ENPP2: variants seen among roughly 807,000 people sequenced by gnomAD.
ENPP2 encodes autotaxin.
A neutral mutation model predicts 120.2 loss-of-function variants in ENPP2; 51 were observed. That is an observed-to-expected ratio of 0.42 (90% CI 0.34 to 0.54). ENPP2 has a LOEUF of 0.54. Ranked by LOEUF, ENPP2 falls within the 20% of genes least tolerant of loss-of-function variation. ENPP2 has a pLI of 0.04. For missense variants in ENPP2, 920 were observed against 1,066.5 expected, an observed-to-expected ratio of 0.86 and a Z score of 1.91; for synonymous variants, 365 against 366.4, an observed-to-expected ratio of 1.00 and a Z score of 0.04.
intron 11 of ENPP2, 34 bp downstream of exon 11, chr8:119,600,644 C>A: frequency 7.2e-7 from 1 of 1,391,912 alleles, no homozygotes; most frequent in Non-Finnish European, 1.0e-6. Context: ...CCCAGGGCCA[C>A]AGATTCTTCT....
chr8:119,665,558 T>A (rs987615863), intron 1 of ENPP2, among the ~76,000 whole-genome samples: 6 of 152,176 alleles, frequency 3.9e-5, no homozygotes, highest in Non-Finnish European at 7.3e-5. Context: ...GCACTGAAGT[T>A]TTTAGATTTC....
chr8:119,594,704 T>C (rs1270601177), intron 11 of ENPP2, among the ~76,000 whole-genome samples: 4 of 152,180 alleles, frequency 2.6e-5, no homozygotes, highest in Non-Finnish European at 5.9e-5. Context: ...AATGGAAAGA[T>C]TTTTAAGAAA....
At chr8:119,597,558 A>G (rs1813984301) in intron 11 of ENPP2, among the ~76,000 whole-genome samples, 1 of 152,216 alleles carries the variant, frequency 6.6e-6, no homozygotes, top group Admixed American at 6.5e-5. Context: ...TGAGGTTATT[A>G]AGAGGATGGG....
chr8:119,571,954 C>T (rs1184412311), intron 19 of ENPP2: 5 of 468,816 alleles, frequency 1.1e-5, no homozygotes, highest in Non-Finnish European at 1.9e-5. Flanking sequence ...ACTATTACAA[C>T]ACAAGCCTGT....
intron 1 of ENPP2, among the ~76,000 whole-genome samples, chr8:119,654,372 T>G (rs1017386193): frequency 2.8e-5 from 4 of 143,862 alleles, no homozygotes; most frequent in African/African-American, 1.0e-4. Context: ...ATAATTATAT[T>G]ATATAGAGAG....
chr8:119,560,378 A>T (rs1416533537), intron 24 of ENPP2, among the ~76,000 whole-genome samples: 1 of 152,192 alleles, frequency 6.6e-6, no homozygotes, highest in Non-Finnish European at 1.5e-5. Context: ...ACCAAAATTG[A>T]GAGGGCCAAG....
At position 119,621,472 on chromosome 8, in the gene ENPP2, C is replaced by T; in HGVS notation, c.340G>A (p.Glu114Lys). 1 of 1,613,564 alleles carries T rather than the reference C, an allele frequency of 6.2e-7. No homozygotes were observed. The highest frequency in any genetic ancestry group is 8.5e-7 in the Non-Finnish European group (1 of 1,179,550). ...TKDRCGEVRN[E>K]ENACHCSEDC... The stretch of plus-strand genomic sequence containing the variant: ...TCTGAGCAGTGACAGGCATTTTCTT[C>T]ATTTCTGACTTCTCCACATCTGTCC... The change falls in exon 4 of 25, where the codon GAA becomes AAA. Residue 114 changes from glutamate (E) to lysine (K), a missense_variant. By Grantham distance (56) the Glu-to-Lys change is moderately conservative. Coordinates refer to ENST00000075322, the MANE Select transcript of ENPP2 (RefSeq NM_001040092.3).
chr8:119,572,194 T>C (rs1233216019), intron 19 of ENPP2: 1 of 1,554,718 alleles, frequency 6.4e-7, no homozygotes, highest in Non-Finnish European at 8.7e-7. Flanking sequence ...GGTTCAAAAT[T>C]TCCATTAATG....
chr8:119,595,902 CT>C, intron 11 of ENPP2: 4 of 1,614,044 alleles, frequency 2.5e-6, no homozygotes, highest in Non-Finnish European at 3.4e-6. Context: ...TTTTCTTCTT[CT>C]TTTCTTTGGA....
At chr8:119,601,051 T>C (rs1218184720) in intron 10 of ENPP2, among the ~76,000 whole-genome samples, 6 of 152,190 alleles carry the variant, frequency 3.9e-5, no homozygotes, top group African/African-American at 1.4e-4. Context: ...ACATGGGCCG[T>C]GCAATCTGCA....
intron 1 of ENPP2, among the ~76,000 whole-genome samples, chr8:119,664,277 A>G (rs1385080996): frequency 6.6e-6 from 1 of 152,206 alleles, no homozygotes; most frequent in Non-Finnish European, 1.5e-5. Flanking sequence ...AGAGCACAGT[A>G]TTTCGCATCA....
intron 11 of ENPP2, among the ~76,000 whole-genome samples, chr8:119,595,319 A>C (rs894876435): frequency 1.3e-5 from 2 of 152,336 alleles, no homozygotes; most frequent in Middle Eastern, 3.4e-3. Flanking sequence ...TGGGAAGAGT[A>C]GACATTACTT....
At chr8:119,635,989 G>A (rs1816976374) in intron 2 of ENPP2, among the ~76,000 whole-genome samples, 1 of 152,150 alleles carries the variant, frequency 6.6e-6, no homozygotes, top group African/African-American at 2.4e-5. Context: ...TTGAATGGTG[G>A]ATCTCACTCT....
At chr8:119,666,370 G>A (rs1818069164) in intron 1 of ENPP2, among the ~76,000 whole-genome samples, 1 of 152,032 alleles carries the variant, frequency 6.6e-6, no homozygotes, top group Non-Finnish European at 1.5e-5. Context: ...ATTTTTCAAA[G>A]ATCTTAGTAT....
chr8:119,619,432 A>T (rs1815725369), intron 4 of ENPP2, 128 bp from the exon 5 acceptor site: 2 of 576,570 alleles, frequency 3.5e-6, no homozygotes, highest in South Asian at 2.3e-5. Flanking sequence ...AAAAAAAAAA[A>T]TTCTGAAAAA....
At chr8:119,582,941 CA>C (rs1812851488) in intron 17 of ENPP2, among the ~76,000 whole-genome samples, 1 of 152,188 alleles carries the variant, frequency 6.6e-6, no homozygotes, top group African/African-American at 2.4e-5. Context: ...ATGTCAGTAT[CA>C]CTTTTTCCTG....
At chr8:119,592,534 T>C (rs1388448739) in intron 12 of ENPP2, among the ~76,000 whole-genome samples, 1 of 145,768 alleles carries the variant, frequency 6.9e-6, no homozygotes. Context: ...CCAAACCAAA[T>C]GGATCTACTC....
chr8:119,622,328 G>A (rs776893712), intron 3 of ENPP2, among the ~76,000 whole-genome samples: 1 of 152,166 alleles, frequency 6.6e-6, no homozygotes, highest in African/African-American at 2.4e-5. Context: ...GTCCTAAATA[G>A]GATGTGAAGA....
At chr8:119,639,618 G>A (rs1352330784), upstream of ENPP2, among the ~76,000 whole-genome samples, 1 of 152,046 alleles carries the variant, frequency 6.6e-6, no homozygotes, top group South Asian at 2.1e-4. Flanking sequence ...GCGGAGGAGG[G>A]GGCGGTTTTT....
Sources: allele counts gnomAD v4.1 joint callset (sites outside exome capture counted in the v4.1 genomes callset), GRCh38; gene constraint gnomAD v4.1.1; transcripts MANE v1.5; gene names NCBI Gene and HGNC (gene_info 2026-07-23, HGNC 2026-07-21).